IDO2: variants seen among roughly 807,000 people sequenced by gnomAD.
IDO2 encodes indoleamine 2,3-dioxygenase-like 1 protein.
Under a neutral mutation model 45.1 loss-of-function variants are expected in IDO2, and 46 were observed. That is an observed-to-expected ratio of 1.02 (90% CI 0.80 to 1.30). IDO2 has a LOEUF of 1.30. Ranked by LOEUF, IDO2 falls within the 50% of genes most tolerant of loss-of-function variation. The probability of loss-of-function intolerance (pLI) is 0.00; values close to 1 mark genes in which losing one functional copy is unlikely to be tolerated. For missense variants in IDO2, 544 were observed against 491.8 expected, an observed-to-expected ratio of 1.11 and a Z score of -1.00; for synonymous variants, 218 against 184.9, an observed-to-expected ratio of 1.18 and a Z score of -1.45.
chr8:40,013,476 C>T, intron 9 of IDO2, 89 bp from the exon 10 acceptor site: 1 of 1,277,684 alleles, frequency 7.8e-7, no homozygotes, highest in South Asian at 1.4e-5. Flanking sequence ...ATCATGTTCC[C>T]TTTCTCATTC....
At chr8:40,005,405 T>C (rs373152339) in intron 9 of IDO2, 27 bp downstream of exon 9, 41 of 1,469,730 alleles carry the variant, frequency 2.8e-5, no homozygotes, top group Non-Finnish European at 3.5e-5. Context: ...TGTTTTCCTG[T>C]GTGAAGTCTC....
chr8:39,962,010 A>G (rs1808005551), intron 2 of IDO2, among the ~76,000 whole-genome samples: 2 of 152,226 alleles, frequency 1.3e-5, no homozygotes, highest in Non-Finnish European at 1.5e-5. Context: ...TGTTGCAACT[A>G]CCAACTCTCC....
chr8:39,942,456 C>G (rs1807657840), intron 1 of IDO2, among the ~76,000 whole-genome samples: 1 of 152,046 alleles, frequency 6.6e-6, no homozygotes, highest in Non-Finnish European at 1.5e-5. Flanking sequence ...CCAGCCTGGC[C>G]AACATGACTA....
At chr8:39,964,836 G>T (rs763868480) in intron 3 of IDO2, among the ~76,000 whole-genome samples, 3 of 152,154 alleles carry the variant, frequency 2.0e-5, no homozygotes, top group Non-Finnish European at 2.9e-5. Context: ...GGATTTTTTT[G>T]AACGTATTAA....
intron 2 of IDO2, among the ~76,000 whole-genome samples, chr8:39,956,267 G>T (rs1032389545): frequency 1.1e-4 from 16 of 151,878 alleles, no homozygotes; most frequent in African/African-American, 3.6e-4. Context: ...TCCCCATGTT[G>T]GCCAGGCTGA....
intron 4 of IDO2, among the ~76,000 whole-genome samples, chr8:39,982,270 A>G (rs993368702): frequency 6.6e-6 from 1 of 150,846 alleles, no homozygotes; most frequent in African/African-American, 2.4e-5. Flanking sequence ...ATATATTTCT[A>G]TCCTTCCATC....
At chr8:39,975,188 C>T (rs542902100) in intron 3 of IDO2, among the ~76,000 whole-genome samples, 103 of 137,198 alleles carry the variant, frequency 7.5e-4, no homozygotes, top group African/African-American at 2.6e-3. Flanking sequence ...TTTTTTGTGA[C>T]GGAGTCTCAC....
chr8:39,960,501 C>T (rs1418990109), intron 2 of IDO2, among the ~76,000 whole-genome samples: 1 of 152,210 alleles, frequency 6.6e-6, no homozygotes, highest in Non-Finnish European at 1.5e-5. Flanking sequence ...TAAAAGATCT[C>T]TCTGAAATGC....
At chr8:39,939,266 G>T (rs539595054) in intron 1 of IDO2, among the ~76,000 whole-genome samples, 5 of 142,748 alleles carry the variant, frequency 3.5e-5, no homozygotes, top group Non-Finnish European at 6.1e-5. Flanking sequence ...AAAAAAAGAG[G>T]CCAGGAGTGG....
chr8:39,987,940 G>C (rs764649831), exon 7 of IDO2: 8 of 1,609,666 alleles, frequency 5.0e-6, no homozygotes, highest in Non-Finnish European at 6.8e-6. Flanking sequence ...TGACTGCTTT[G>C]GTAGAGAAAG....
rs549831709 is a variant in IDO2 at position 39,949,086 on chromosome 8, G to A, written c.-17-63G>A. Reference sequence around the variant, plus strand: ...ACTGCGCAACTAACTGGAACCGAAGGATGGAACCTGGGTGTTTAATTTATT... The same window carrying A: ...ACTGCGCAACTAACTGGAACCGAAGAATGGAACCTGGGTGTTTAATTTATT... On this transcript the variant is annotated intron_variant, in intron 1 of 10. Coordinates refer to ENST00000502986, the Ensembl canonical transcript of IDO2. 1.6e-5 allele frequency: 25 copies of A among 1,545,296 alleles called. No homozygotes were observed. In the Middle Eastern group the frequency reaches 5.1e-4, roughly 31 times the overall value.
At chr8:39,969,891 AAT>A (rs1388204992) in intron 3 of IDO2, among the ~76,000 whole-genome samples, 2,036 of 148,602 alleles carry the variant, frequency 0.014, 48 homozygotes, top group African/African-American at 0.047. Flanking sequence ...AAAAAAAAAA[AAT>A]ATCTAAAGCT....
intron 3 of IDO2, among the ~76,000 whole-genome samples, chr8:39,968,986 A>T (rs908101107): frequency 1.1e-4 from 16 of 152,050 alleles, no homozygotes; most frequent in Admixed American, 1.0e-3. Flanking sequence ...AACGGACTTA[A>T]ATTACTCCAG....
intron 5 of IDO2, 65 bp downstream of exon 5, chr8:39,982,835 T>C: frequency 3.7e-6 from 4 of 1,073,436 alleles, no homozygotes; most frequent in Non-Finnish European, 5.4e-6. Flanking sequence ...CAGGCTTTTT[T>C]TTATAATTAG....
chr8:39,998,772 C>T (rs1802090471), intron 8 of IDO2, among the ~76,000 whole-genome samples: 1 of 150,738 alleles, frequency 6.6e-6, no homozygotes, highest in Admixed American at 6.6e-5. Context: ...TCCCGAGTAG[C>T]TGAGATTACA....
exon 11 of IDO2, chr8:40,016,064 C>A (rs1169797961): frequency 2.6e-6 from 1 of 391,678 alleles, no homozygotes; most frequent in Non-Finnish European, 4.5e-6. Context: ...CCCTCTTCTC[C>A]CTGAATGTGT....
At chr8:40,010,587 T>C (rs1802295627) in intron 9 of IDO2, among the ~76,000 whole-genome samples, 2 of 152,276 alleles carry the variant, frequency 1.3e-5, no homozygotes, top group South Asian at 4.2e-4. Flanking sequence ...TGGTGGCTTG[T>C]ACTAGGGTAC....
chr8:39,995,245 C>CTTCTTCTTCTT (rs1563438285), intron 8 of IDO2: 45 of 68,786 alleles, frequency 6.5e-4, no homozygotes, highest in African/African-American at 8.7e-4. Context: ...TTCTCCTTCT[C>CTTCTTCTTCTT]CTTCTCCTTC....
intron 3 of IDO2, among the ~76,000 whole-genome samples, chr8:39,964,932 C>G (rs1808062807): frequency 2.6e-5 from 4 of 152,196 alleles, no homozygotes; most frequent in Admixed American, 6.5e-5. Context: ...CCATGAGTCC[C>G]CTTTTCCCAT....
Sources: allele counts gnomAD v4.1 joint callset (sites outside exome capture counted in the v4.1 genomes callset), GRCh38; gene constraint gnomAD v4.1.1; transcripts MANE v1.5; gene names NCBI Gene and HGNC (gene_info 2026-07-23, HGNC 2026-07-21).